KIAA1210: variants seen among roughly 807,000 people sequenced by gnomAD.
The protein encoded by KIAA1210 is KIAA1210, also known as acrosomal protein KIAA1210.
In KIAA1210, 48 loss-of-function variants were observed where a neutral mutation model predicts 78.9. That is an observed-to-expected ratio of 0.61 (90% CI 0.48 to 0.77). KIAA1210 has a LOEUF of 0.77. Among genes scored for constraint, KIAA1210 ranks in the 30% least tolerant of loss-of-function variants. The probability of loss-of-function intolerance (pLI) is 0.00; values close to 1 mark genes in which losing one functional copy is unlikely to be tolerated. For synonymous variants in KIAA1210, 406 were observed against 404.5 expected (o/e 1.00, Z -0.04); for missense variants, 1,108 against 1,100.0 (o/e 1.01, Z -0.10).
chrX:119,119,975 C>CAAAAAAA (rs11342308), intron 2 of KIAA1210, among the ~76,000 whole-genome samples: 4 of 35,778 alleles, frequency 1.1e-4, no homozygotes, highest in African/African-American at 2.3e-4. Context: ...GACTCCATCT[C>CAAAAAAA]AAAAAAAAAA....
At chrX:119,089,919 G>C (rs1927317343) in intron 8 of KIAA1210, among the ~76,000 whole-genome samples, 173 bp from the exon 9 acceptor site, 1 of 111,718 alleles carries the variant, frequency 9.0e-6, no homozygotes. Flanking sequence ...TCTGCAGTTG[G>C]ATATTTTTAA....
rs1927175106 is a variant in KIAA1210 at position 119,087,245 on chromosome X, G to T, written c.3457C>A (p.Pro1153Thr). Residue 1153 changes from proline (P) to threonine (T), a missense_variant, in exon 9 of 12, where the codon CCT becomes ACT. Around this residue, in one of 5 missense-constraint regions of KIAA1210, gnomAD observed 245 missense variants for 278.8 expected, o/e 0.88. Transcript: ENST00000691062. ...GAGGCTTGGGAAGAATGTTTGGGAG[G>T]CAGCTGCTTTTTAGAATTCCTCCAC... Reference protein sequence around the residue: ...KEWRNSKKQLPPKHSSQASDR... With the variant: ...KEWRNSKKQLTPKHSSQASDR... 1.7e-6 allele frequency: 2 copies of T among 1,209,070 alleles called. No individual in the cohort carries two copies. Among genetic ancestry groups the T allele is most frequent in the South Asian group, 1.8e-5 (1 of 56,730 alleles).
At chrX:119,128,418 A>G (rs1311777703), upstream of KIAA1210, among the ~76,000 whole-genome samples, 1 of 108,027 alleles carries the variant, frequency 9.3e-6, no homozygotes, top group African/African-American at 3.4e-5. Flanking sequence ...CTGATCACCA[A>G]ACCCGCTACC....
chrX:119,143,562 T>C (rs968058171), intron 2 of KIAA1210, among the ~76,000 whole-genome samples: 13 of 112,368 alleles, frequency 1.2e-4, no homozygotes, highest in Non-Finnish European at 2.3e-4. Context: ...CAGACTGCTC[T>C]TTTGGACACT....
chrX:119,138,757 G>A (rs1928980411), intron 2 of KIAA1210, among the ~76,000 whole-genome samples: 1 of 111,632 alleles, frequency 9.0e-6, no homozygotes, highest in Non-Finnish European at 1.9e-5. Context: ...GCAGAAATCT[G>A]TTGGGCTTCT....
chrX:119,147,599 G>A (rs1229893235), intron 1 of KIAA1210: 1 of 1,206,650 alleles, frequency 8.3e-7, no homozygotes, highest in African/African-American at 1.8e-5. Context: ...AGGTCCTGTT[G>A]AAATACACAT....
At chrX:119,107,950 T>C (rs1450268398) in intron 5 of KIAA1210, among the ~76,000 whole-genome samples, 1 of 112,001 alleles carries the variant, frequency 8.9e-6, no homozygotes, top group Non-Finnish European at 1.9e-5. Context: ...GGCAAGATGC[T>C]ACATACATGC....
At chrX:119,135,182 C>T (rs1230533090) in intron 2 of KIAA1210, among the ~76,000 whole-genome samples, 3 of 111,882 alleles carry the variant, frequency 2.7e-5, no homozygotes, top group Non-Finnish European at 3.8e-5. Context: ...GATTCGACCA[C>T]TACACTCTTC....
chrX:119,088,790 C>A lies in KIAA1210; in HGVS notation c.1912G>T (p.Val638Phe), dbSNP rs751377435. Residue 638 changes from valine to phenylalanine, a missense_variant, in exon 9 of 12, where the codon GTC becomes TTC. Physicochemically the swap from Val to Phe is conservative, Grantham distance 50. Transcript: ENST00000691062. The part of the protein sequence containing the change: ...SLGKFEDEQE[V>F]FSESKSFVED... ...ACAAAACTTTTTGATTCTGAGAAGA[C>A]TTCTTGTTCATCTTCAAACTTCCCC... is the stretch of plus-strand genomic sequence containing the variant. 1.7e-6 allele frequency: 2 copies of A among 1,211,567 alleles called. No individual in the cohort carries two copies. Among genetic ancestry groups the A allele is most frequent in the East Asian group, 5.9e-5 (2 of 33,828 alleles).
In KIAA1210 at chrX:119,088,745, C is replaced by G; in HGVS notation, c.1957G>C (p.Glu653Gln). The G allele has an allele frequency of 8.3e-7, 1 of 1,210,792 alleles. No homozygotes were observed. ...AGGCATCTGAGGTCCAGCTCCTCCT[C>G]AGAGCTGCTCAAGTCCTCAACAAAA... is the stretch of plus-strand genomic sequence containing the variant. ...KSFVEDLSSS[E>Q]EELDLRCLSQ... The change falls in exon 9 of 12, where the codon GAG (glutamate) becomes CAG (glutamine). Residue 653 changes from glutamate to glutamine, a missense_variant. This residue lies in a region of KIAA1210 where 672 missense variants were observed against 607.1 expected (regional missense o/e 1.11). Coordinates refer to ENST00000691062, the MANE Select transcript of KIAA1210 (RefSeq NM_001394962.1).
intron 1 of KIAA1210, among the ~76,000 whole-genome samples, chrX:119,149,434 G>A (rs12389710): frequency 0.018 from 2,011 of 110,989 alleles, 50 homozygotes; most frequent in African/African-American, 0.062. Context: ...GCTTTGTGCC[G>A]AATTGTCAGG....
rs1163974116 is a variant in KIAA1210 at position 119,125,735 on chromosome X, ATTTT to A, written c.-11+1988_-11+1991del. Among the ~76,000 whole-genome samples, 13 of 15,790 alleles carry A rather than the reference ATTTT, an allele frequency of 8.2e-4. 1 individual carries two copies. The highest frequency in any genetic ancestry group is 2.5e-3 in the East Asian group (1 of 399). The allele number at this position is 15,790 out of a possible 115,157, so 13.7% of individuals were successfully genotyped here. A position where few individuals can be genotyped will look rare whatever the true frequency, so the allele number is the denominator to read the frequency against. ...AATACATATATATATATATATATATATTTTTTTTTTTTTTTTTTTGGAGAGATGG... is the reference window on the plus strand; with the variant it reads ...AATACATATATATATATATATATATATTTTTTTTTTTTTTTGGAGAGATGG... On this transcript the variant is annotated intron_variant, in intron 1 of 11. Coordinates refer to ENST00000691062, the MANE Select transcript of KIAA1210 (RefSeq NM_001394962.1).
intron 2 of KIAA1210, among the ~76,000 whole-genome samples, chrX:119,120,770 G>A (rs901448901): frequency 8.9e-6 from 1 of 111,985 alleles, no homozygotes; most frequent in Non-Finnish European, 1.9e-5. Context: ...GAAAAAGAAT[G>A]TTTCCATTCC....
At chrX:119,115,974 T>C (rs1928247724) in intron 3 of KIAA1210, among the ~76,000 whole-genome samples, 1 of 111,957 alleles carries the variant, frequency 8.9e-6, no homozygotes, top group Admixed American at 9.4e-5. Flanking sequence ...AGCAACACAG[T>C]GATCTCATGC....
chrX:119,108,567 A>G, intron 4 of KIAA1210, 96 bp from the exon 5 acceptor site: 2 of 1,022,491 alleles, frequency 2.0e-6, no homozygotes, highest in African/African-American at 1.9e-5. Flanking sequence ...ATGGTGTGTT[A>G]AGAGAAGTGA....
intron 2 of KIAA1210, among the ~76,000 whole-genome samples, chrX:119,132,819 G>GT (rs1170902643): frequency 9.0e-6 from 1 of 111,257 alleles, no homozygotes; most frequent in Non-Finnish European, 1.9e-5. Context: ...AACTTTTCTT[G>GT]TTGGGGGGGT....
chrX:119,088,961 C>T lies in KIAA1210; in HGVS notation c.1741G>A (p.Val581Ile). Residue 581 changes from valine to isoleucine, a missense_variant, in exon 9 of 12, where the codon GTT becomes ATT. Val to Ile is a conservative substitution (Grantham distance 29). Coordinates refer to ENST00000691062, the MANE Select transcript of KIAA1210 (RefSeq NM_001394962.1). ...GMTSTTAKGD[V>I]YAKTLPPRSL... ...CTGGGAGGCAGAGTCTTGGCATAAA[C>T]ATCTCCTTTGGCTGTAGTACTTGTC... 1 of 1,211,795 alleles carries T rather than the reference C, an allele frequency of 8.3e-7. No homozygotes were observed. The highest frequency in any genetic ancestry group is 2.3e-4 in the Middle Eastern group (1 of 4,354).
chrX:119,084,598 A>G (rs1927074577), intron 10 of KIAA1210, among the ~76,000 whole-genome samples: 1 of 110,587 alleles, frequency 9.0e-6, no homozygotes, highest in South Asian at 3.9e-4. Context: ...GAATGATACA[A>G]TGGACTTTGG....
intron 8 of KIAA1210, among the ~76,000 whole-genome samples, chrX:119,091,105 T>C (rs1927353498): frequency 8.9e-6 from 1 of 112,253 alleles, no homozygotes; most frequent in African/African-American, 3.2e-5. Context: ...GATATACAAA[T>C]GGACAACAAA....
Sources: gnomAD v4.1 joint callset for allele counts (sites outside exome capture counted in the v4.1 genomes callset) on GRCh38, gnomAD v4.1.1 for gene constraint, gnomAD v4.1.1 regional missense constraint, MANE v1.5 for transcripts, NCBI Gene and HGNC (gene_info 2026-07-23, HGNC 2026-07-21) for gene names.